The following DSCAM variants were observed in gnomAD, a reference collection of about 807,000 sequenced individuals.
DSCAM encodes the protein cell adhesion molecule DSCAM.
A neutral mutation model predicts 217.7 loss-of-function variants in DSCAM; 47 were observed. The ratio of observed to expected loss-of-function variants is 0.22; its 90% CI spans 0.17 to 0.28. DSCAM has a LOEUF of 0.28. Ranked by LOEUF, DSCAM falls within the 10% of genes least tolerant of loss-of-function variation. The pLI, the probability that DSCAM is intolerant of heterozygous loss-of-function variation, is 1.00. For missense variants in DSCAM, 2,080 were observed against 2,618.3 expected (o/e 0.79, Z 4.49); for synonymous variants, 1,056 against 1,015.3 (o/e 1.04, Z -0.76).
chr21:40,772,780 G>A (rs527573529), intron 1 of DSCAM, among the ~76,000 whole-genome samples: 10 of 152,314 alleles, frequency 6.6e-5, no homozygotes, highest in Admixed American at 3.3e-4. Context: ...CGCAAATCAC[G>A]TCCTCTCGTG....
intron 32 of DSCAM, among the ~76,000 whole-genome samples, chr21:40,025,732 T>G (rs553891686): frequency 6.6e-6 from 1 of 150,958 alleles, no homozygotes; most frequent in East Asian, 1.9e-4. Flanking sequence ...CTTTATCATT[T>G]TTTATTGCAT....
chr21:40,249,298 G>C (rs372267464), intron 11 of DSCAM, among the ~76,000 whole-genome samples: 12 of 152,306 alleles, frequency 7.9e-5, no homozygotes, highest in African/African-American at 2.9e-4. Context: ...GAGATAATCT[G>C]AATCATAGGG....
intron 3 of DSCAM, among the ~76,000 whole-genome samples, chr21:40,519,119 G>A (rs1320410831): frequency 2.0e-5 from 3 of 152,126 alleles, no homozygotes; most frequent in African/African-American, 7.2e-5. Flanking sequence ...GTACATAACT[G>A]TATTTATGAA....
chr21:40,403,631 A>G (rs760035063), intron 3 of DSCAM, among the ~76,000 whole-genome samples: 887 of 39,974 alleles, frequency 0.022, 3 homozygotes, highest in South Asian at 0.054. Context: ...ATGCATGTGC[A>G]CACACACACA....
chr21:40,550,536 G>A (rs1387073421), intron 3 of DSCAM, among the ~76,000 whole-genome samples: 2 of 152,092 alleles, frequency 1.3e-5, no homozygotes, highest in African/African-American at 4.8e-5. Flanking sequence ...AAAAAAAATT[G>A]CTTTTTCCTC....
intron 20 of DSCAM, among the ~76,000 whole-genome samples, chr21:40,114,947 C>T (rs2089949642): frequency 1.3e-5 from 2 of 152,262 alleles, no homozygotes; most frequent in East Asian, 3.9e-4. Flanking sequence ...GAAATAGGAA[C>T]ACTTTTACAC....
chr21:40,239,896 G>A (rs1022257591), intron 11 of DSCAM, among the ~76,000 whole-genome samples: 5 of 152,130 alleles, frequency 3.3e-5, no homozygotes, highest in African/African-American at 1.2e-4. Context: ...ATTCCAGGGG[G>A]TACATACGCA....
At chr21:40,674,710 G>A (rs886493195) in intron 3 of DSCAM, among the ~76,000 whole-genome samples, 1 of 139,944 alleles carries the variant, frequency 7.1e-6, no homozygotes, top group African/African-American at 2.7e-5. Context: ...TCGGCTCACT[G>A]CAAGCTCCGC....
At chr21:40,371,866 T>C (rs1187957220) in intron 3 of DSCAM, among the ~76,000 whole-genome samples, 1 of 152,184 alleles carries the variant, frequency 6.6e-6, no homozygotes, top group Non-Finnish European at 1.5e-5. Context: ...CTGCTCAAGG[T>C]CATTGCCAAG....
intron 1 of DSCAM, among the ~76,000 whole-genome samples, 180 bp from the exon 2 acceptor site, chr21:40,708,951 A>T (rs546886262): frequency 6.6e-6 from 1 of 152,336 alleles, no homozygotes; most frequent in Admixed American, 6.5e-5. Context: ...ACTAAAAAAT[A>T]AGGCACCATC....
chr21:40,683,056 G>A (rs1274758688), intron 3 of DSCAM, among the ~76,000 whole-genome samples: 1 of 152,206 alleles, frequency 6.6e-6, no homozygotes, highest in African/African-American at 2.4e-5. Flanking sequence ...TGCACGCCAG[G>A]ATGAGGCCCC....
At chr21:40,431,684 A>T (rs189121421) in intron 3 of DSCAM, among the ~76,000 whole-genome samples, 151 of 152,394 alleles carry the variant, frequency 9.9e-4, no homozygotes, top group Non-Finnish European at 1.8e-3. Context: ...TGCAAAAAAT[A>T]TGTCAATCAA....
chr21:40,621,646 T>G (rs947146819), intron 3 of DSCAM, among the ~76,000 whole-genome samples: 1 of 151,838 alleles, frequency 6.6e-6, no homozygotes, highest in Non-Finnish European at 1.5e-5. Context: ...CAGGACATGG[T>G]TCCACCAGAC....
chr21:40,697,541 C>A (rs570914391), intron 2 of DSCAM, among the ~76,000 whole-genome samples: 2 of 152,286 alleles, frequency 1.3e-5, no homozygotes, highest in South Asian at 4.1e-4. Flanking sequence ...TAGTTTCATT[C>A]TTTTGCATAT....
At chr21:40,570,186 C>G (rs1487460099) in intron 3 of DSCAM, among the ~76,000 whole-genome samples, 1 of 151,952 alleles carries the variant, frequency 6.6e-6, no homozygotes, top group Non-Finnish European at 1.5e-5. Context: ...AGATCTCCCA[C>G]AGTTTGGAAA....
At chr21:40,691,908 C>T (rs7279788) in intron 3 of DSCAM, among the ~76,000 whole-genome samples, 7,273 of 152,286 alleles carry the variant, frequency 0.048, 352 homozygotes, top group African/African-American at 0.13. Context: ...GGTGTGTCAC[C>T]GTGAGGGTTT....
chr21:40,051,340 T>C (rs1423701154), intron 30 of DSCAM, among the ~76,000 whole-genome samples: 2 of 152,236 alleles, frequency 1.3e-5, no homozygotes, highest in African/African-American at 4.8e-5. Flanking sequence ...TTAATTTCCA[T>C]ATATTATGGA....
intron 1 of DSCAM, among the ~76,000 whole-genome samples, chr21:40,761,177 GT>G (rs997493757): frequency 6.6e-6 from 1 of 152,194 alleles, no homozygotes; most frequent in Non-Finnish European, 1.5e-5. Flanking sequence ...TCATCCTTGA[GT>G]CTGGCTCATC....
chr21:40,398,588 T>A (rs1008288532), intron 3 of DSCAM, among the ~76,000 whole-genome samples: 2 of 152,116 alleles, frequency 1.3e-5, no homozygotes, highest in African/African-American at 4.8e-5. Flanking sequence ...GCATACACAC[T>A]GAAATCTCCA....
Sources: allele counts gnomAD v4.1 joint callset (sites outside exome capture counted in the v4.1 genomes callset), GRCh38; gene constraint gnomAD v4.1.1; transcripts MANE v1.5; gene names NCBI Gene and HGNC (gene_info 2026-07-23, HGNC 2026-07-21).